Variants in ME3 observed in about 807,000 individuals in gnomAD.
ME3 encodes the protein malic enzyme 3.
ME3 carries 48 observed loss-of-function variants against 68.9 expected under a neutral mutation model. The observed-to-expected ratio is 0.70, with a 90% CI of 0.55 to 0.89. The LOEUF is 0.89. Among genes scored for constraint, ME3 ranks in the 40% least tolerant of loss-of-function variants. The pLI, the probability that ME3 is intolerant of heterozygous loss-of-function variation, is 0.00. For synonymous variants in ME3, 320 were observed against 318.8 expected (o/e 1.00, Z -0.04); for missense variants, 675 against 797.4 (o/e 0.85, Z 1.85).
At chr11:86,602,801 C>G (rs540372560) in intron 2 of ME3, among the ~76,000 whole-genome samples, 144 of 152,272 alleles carry the variant, frequency 9.5e-4, no homozygotes, top group African/African-American at 3.3e-3. Context: ...CGCCACATAT[C>G]TACAACTATC....
intron 2 of ME3, among the ~76,000 whole-genome samples, chr11:86,651,256 C>T (rs1446275890): frequency 1.3e-5 from 2 of 152,314 alleles, no homozygotes; most frequent in East Asian, 3.9e-4. Flanking sequence ...GTGGTTCTCC[C>T]AGCACGCAGC....
In ME3 at chr11:86,443,375, G is replaced by A. The variant is rs530583165; in HGVS notation, c.1555-456C>T. On this transcript the variant is annotated intron_variant, in intron 13 of 14. Transcript: ENST00000543262. ...CCTGGAGCTCTTCCTTCCAGCCCTGGTCTCAGTCTGAGGAAGGCCTCTCCT... is the reference window on the plus strand; with the variant it reads ...CCTGGAGCTCTTCCTTCCAGCCCTGATCTCAGTCTGAGGAAGGCCTCTCCT... Among the ~76,000 whole-genome samples the A allele has an allele frequency of 2.0e-5, 3 of 152,264 alleles. No homozygotes were observed. In the East Asian group the frequency reaches 5.8e-4, roughly 29 times the overall value.
intron 2 of ME3, among the ~76,000 whole-genome samples, chr11:86,632,993 C>T (rs981435332): frequency 2.0e-5 from 3 of 152,204 alleles, no homozygotes; most frequent in South Asian, 2.1e-4. Flanking sequence ...GAGCACTGCA[C>T]GGCCCCTGTG....
chr11:86,512,937 T>G (rs927983763), intron 4 of ME3, among the ~76,000 whole-genome samples: 9 of 152,292 alleles, frequency 5.9e-5, no homozygotes, highest in Admixed American at 4.6e-4. Flanking sequence ...AAGTTTTTCT[T>G]TTGTAAAGGA....
intron 8 of ME3, chr11:86,464,265 C>T (rs1370249211): frequency 3.0e-6 from 1 of 335,026 alleles, no homozygotes; most frequent in Non-Finnish European, 5.8e-6. Flanking sequence ...AAAGCATCAT[C>T]AAGGTTTCTC....
intron 2 of ME3, among the ~76,000 whole-genome samples, chr11:86,628,485 C>G (rs946369643): frequency 6.6e-6 from 1 of 152,116 alleles, no homozygotes; most frequent in Non-Finnish European, 1.5e-5. Flanking sequence ...TAATCTAGAC[C>G]GATTTGTTCA....
chr11:86,665,623 A>T (rs915987107), intron 2 of ME3, among the ~76,000 whole-genome samples: 1 of 151,578 alleles, frequency 6.6e-6, no homozygotes, highest in Non-Finnish European at 1.5e-5. Flanking sequence ...ACTTAGTTTT[A>T]AAAAAAAATC....
At chr11:86,454,394 C>T (rs543580168) in intron 8 of ME3, among the ~76,000 whole-genome samples, 5 of 152,272 alleles carry the variant, frequency 3.3e-5, no homozygotes, top group African/African-American at 9.6e-5. Context: ...CTGGAAATAA[C>T]CTACACATCT....
chr11:86,570,404 A>G (rs1033192222), intron 2 of ME3, among the ~76,000 whole-genome samples: 9 of 151,996 alleles, frequency 5.9e-5, no homozygotes, highest in Non-Finnish European at 1.0e-4. Context: ...TGGGATTTTT[A>G]TGAGTTAGGG....
intron 5 of ME3, among the ~76,000 whole-genome samples, chr11:86,506,088 A>G (rs1379060912): frequency 6.6e-6 from 1 of 152,198 alleles, no homozygotes; most frequent in Non-Finnish European, 1.5e-5. Flanking sequence ...CTTCCAGAGT[A>G]GATGTTTACT....
chr11:86,590,230 C>T (rs1347838079), intron 2 of ME3, among the ~76,000 whole-genome samples: 3 of 152,208 alleles, frequency 2.0e-5, no homozygotes, highest in African/African-American at 7.2e-5. Flanking sequence ...CATCTATCTA[C>T]TTACGTTGCA....
intron 2 of ME3, among the ~76,000 whole-genome samples, chr11:86,569,181 T>C (rs1483055606): frequency 5.3e-5 from 8 of 152,186 alleles, no homozygotes; most frequent in Non-Finnish European, 1.2e-4. Context: ...GAGAGGAGCC[T>C]TGAAGGACGG....
intron 4 of ME3, among the ~76,000 whole-genome samples, chr11:86,548,599 G>A (rs1956496025): frequency 6.6e-6 from 1 of 152,148 alleles, no homozygotes; most frequent in African/African-American, 2.4e-5. Flanking sequence ...TGAAAAGTAT[G>A]TGTTTTCATT....
intron 2 of ME3, among the ~76,000 whole-genome samples, chr11:86,607,066 C>T (rs1422784170): frequency 6.6e-6 from 1 of 152,278 alleles, no homozygotes; most frequent in East Asian, 1.9e-4. Context: ...GTTGTTGTCA[C>T]TGTTGTTGAT....
At chr11:86,667,886 TA>T (rs1406857471) in intron 2 of ME3, 4 of 151,980 alleles carry the variant, frequency 2.6e-5, no homozygotes, top group African/African-American at 9.7e-5. Context: ...TTAATGTGAG[TA>T]AAAGAGGGGT....
At chr11:86,615,945 A>T (rs1375772987) in intron 2 of ME3, among the ~76,000 whole-genome samples, 2 of 152,242 alleles carry the variant, frequency 1.3e-5, no homozygotes, top group Non-Finnish European at 2.9e-5. Flanking sequence ...TCCTAATTGC[A>T]TAGAATGCAT....
intron 2 of ME3, among the ~76,000 whole-genome samples, chr11:86,574,783 G>A (rs10898501): frequency 0.49 from 75,259 of 152,118 alleles, 19,397 homozygotes; most frequent in Admixed American, 0.59. Context: ...CAACTTTCTC[G>A]TAGTCGCTCT....
chr11:86,665,821 T>C (rs1594834649), intron 2 of ME3, among the ~76,000 whole-genome samples: 1 of 145,734 alleles, frequency 6.9e-6, no homozygotes, highest in South Asian at 2.2e-4. Flanking sequence ...GTGGATTCCA[T>C]AAGGGGTCTG....
At chr11:86,547,337 G>A (rs1422324442) in intron 4 of ME3, among the ~76,000 whole-genome samples, 1 of 151,832 alleles carries the variant, frequency 6.6e-6, no homozygotes, top group Non-Finnish European at 1.5e-5. Flanking sequence ...GCAGGGACAT[G>A]GATGAAGCTG....
Sources: gnomAD v4.1 joint callset for allele counts (sites outside exome capture counted in the v4.1 genomes callset) on GRCh38, gnomAD v4.1.1 for gene constraint, MANE v1.5 for transcripts, NCBI Gene and HGNC (gene_info 2026-07-23, HGNC 2026-07-21) for gene names.